ZFHX3: variants seen among roughly 807,000 people sequenced by gnomAD.
The protein encoded by ZFHX3 is zinc finger homeobox protein 3.
In ZFHX3, 42 loss-of-function variants were observed where a neutral mutation model predicts 279.1. That is an observed-to-expected ratio of 0.15 (90% CI 0.12 to 0.19). The LOEUF is 0.19. Ranked by LOEUF, ZFHX3 falls within the 10% of genes least tolerant of loss-of-function variation. The probability of loss-of-function intolerance (pLI) is 1.00; values close to 1 mark genes in which losing one functional copy is unlikely to be tolerated. For synonymous variants in ZFHX3, 2,293 were observed against 1,957.8 expected, an observed-to-expected ratio of 1.17 and a Z score of -4.52; for missense variants, 4,981 against 4,754.0, an observed-to-expected ratio of 1.05 and a Z score of -1.40.
At chr16:72,951,965 G>T (rs1234626208) in intron 2 of ZFHX3, among the ~76,000 whole-genome samples, 1 of 152,242 alleles carries the variant, frequency 6.6e-6, no homozygotes, top group Non-Finnish European at 1.5e-5. Flanking sequence ...GATCTGGGGA[G>T]TGGGGCTGGA....
chr16:73,655,908 T>C (rs922346580), intron 2 of ZFHX3, among the ~76,000 whole-genome samples: 2 of 152,236 alleles, frequency 1.3e-5, no homozygotes, highest in East Asian at 1.9e-4. Context: ...TGCGCCAAAA[T>C]ACTTATGCAA....
At chr16:73,172,979 G>T (rs1597202125) in intron 5 of ZFHX3, among the ~76,000 whole-genome samples, 1 of 79,220 alleles carries the variant, frequency 1.3e-5, no homozygotes, top group African/African-American at 4.9e-5. Flanking sequence ...GCTGTTTCCT[G>T]ATGGGACTGT....
Position 72,867,879 on chromosome 16 carries a change from T to G in ZFHX3, c.3448+21852A>C, listed in dbSNP as rs141599621. Among the ~76,000 whole-genome samples, 276 of 152,160 alleles carry G rather than the reference T, an allele frequency of 1.8e-3. 3 individuals carry two copies. Among genetic ancestry groups the G allele is most frequent in the African/African-American group, 6.5e-3 (269 of 41,520 alleles). On this transcript the variant is annotated intron_variant, in intron 4 of 9. Coordinates refer to ENST00000268489, the MANE Select transcript of ZFHX3 (RefSeq NM_006885.4). The stretch of plus-strand genomic sequence containing the variant: ...AGTTCTCACCAATCACTGAAAAGGG[T>G]GTTTGTGGAGGCCAAAAATGGTGAC...
intron 3 of ZFHX3, among the ~76,000 whole-genome samples, chr16:73,392,246 C>T (rs950495180): frequency 1.3e-5 from 2 of 151,292 alleles, no homozygotes; most frequent in East Asian, 3.9e-4. Context: ...ATGGTAAAAC[C>T]CCATCTCTAC....
intron 5 of ZFHX3, among the ~76,000 whole-genome samples, chr16:73,231,843 C>A (rs1275615082): frequency 6.6e-6 from 1 of 152,224 alleles, no homozygotes; most frequent in Non-Finnish European, 1.5e-5. Flanking sequence ...GGCTCCAAAG[C>A]CCTGCCTTGG....
At chr16:73,416,711 A>T (rs1014951333) in intron 3 of ZFHX3, among the ~76,000 whole-genome samples, 1 of 151,602 alleles carries the variant, frequency 6.6e-6, no homozygotes, top group African/African-American at 2.4e-5. Context: ...CGTCTCTACT[A>T]AAAATACAAA....
intron 2 of ZFHX3, among the ~76,000 whole-genome samples, chr16:73,605,225 G>A (rs991406578): frequency 3.3e-5 from 5 of 152,156 alleles, no homozygotes; most frequent in African/African-American, 1.2e-4. Flanking sequence ...GTCTCCTCTG[G>A]TGTCTTTATT....
chr16:72,863,444 G>T (rs1478329774), intron 4 of ZFHX3, among the ~76,000 whole-genome samples: 1 of 151,486 alleles, frequency 6.6e-6, no homozygotes, highest in Non-Finnish European at 1.5e-5. Context: ...CTTGAGCCTG[G>T]AAGATCAAGG....
chr16:72,797,958 C>G lies in ZFHX3; in HGVS notation c.4724G>C (p.Arg1575Thr), dbSNP rs779286744. The G allele has an allele frequency of 6.2e-7, 1 of 1,614,170 alleles. No homozygotes were observed. Among genetic ancestry groups the G allele is most frequent in the Non-Finnish European group, 8.5e-7 (1 of 1,180,026 alleles). ...NSVSHLHKLKRALQESATGQP... is the reference protein window; with the variant it reads ...NSVSHLHKLKTALQESATGQP... ...ACCGGTTGCTGATTCTTGAAGGGCT[C>G]TCTTTAACTTATGCAGGTGGGAGAC... The change falls in exon 9 of 10, where the codon AGA (arginine) becomes ACA (threonine). Residue 1575 changes from arginine to threonine, a missense_variant. Coordinates refer to ENST00000268489, the MANE Select transcript of ZFHX3 (RefSeq NM_006885.4).
chr16:72,886,263 G>A (rs1284969625), intron 4 of ZFHX3, among the ~76,000 whole-genome samples: 1 of 152,264 alleles, frequency 6.6e-6, no homozygotes, highest in East Asian at 1.9e-4. Context: ...GGGAGGGGAG[G>A]AGTATGGTGT....
Position 72,811,758 on chromosome 16 carries a change from C to T in ZFHX3, c.3683G>A (p.Cys1228Tyr). Residue 1228 changes from cysteine to tyrosine, a missense_variant, in exon 7 of 10, where the codon TGC (cysteine) becomes TAC (tyrosine). Physicochemically the swap from Cys to Tyr is radical, Grantham distance 194 (BLOSUM62 -2). Coordinates refer to ENST00000268489, the MANE Select transcript of ZFHX3 (RefSeq NM_006885.4). ...GTTGACATCGGCATTACTGTACTTG[C>T]AGTAGGGACACTGGTACATCTGTGG... is the stretch of plus-strand genomic sequence containing the variant. ...KPEQMYQCPY[C>Y]KYSNADVNRL... 6.2e-7 allele frequency: 1 copy of T among 1,613,828 alleles called. No homozygotes were observed. The highest frequency in any genetic ancestry group is 8.5e-7 in the Non-Finnish European group (1 of 1,179,862).
chr16:72,954,584 G>T (rs920846770), intron 2 of ZFHX3, among the ~76,000 whole-genome samples: 8 of 152,192 alleles, frequency 5.3e-5, no homozygotes, highest in African/African-American at 1.9e-4. Context: ...GAAGGGAGCT[G>T]CTAAACCTTG....
intron 4 of ZFHX3, among the ~76,000 whole-genome samples, chr16:73,283,039 C>G (rs968643524): frequency 6.6e-6 from 1 of 152,176 alleles, no homozygotes; most frequent in Admixed American, 6.5e-5. Flanking sequence ...ATAAATAAAT[C>G]TATACTAAAA....
chr16:73,727,849 G>C (rs932897812), intron 1 of ZFHX3, among the ~76,000 whole-genome samples: 12 of 152,160 alleles, frequency 7.9e-5, no homozygotes, highest in Non-Finnish European at 1.3e-4. Flanking sequence ...TGGTCAAGGA[G>C]AAACCCCATT....
intron 3 of ZFHX3, among the ~76,000 whole-genome samples, chr16:73,442,089 A>G (rs2018104543): frequency 6.6e-6 from 1 of 152,172 alleles, no homozygotes; most frequent in Non-Finnish European, 1.5e-5. Flanking sequence ...CAAGACCTGA[A>G]GAAGGGAGGG....
chr16:72,853,802 G>A (rs1312774120), intron 4 of ZFHX3, among the ~76,000 whole-genome samples: 1 of 152,048 alleles, frequency 6.6e-6, no homozygotes, highest in African/African-American at 2.4e-5. Flanking sequence ...ATGCTGAAAG[G>A]GAGAGAATGA....
chr16:73,352,650 A>T (rs2016268904), intron 3 of ZFHX3, among the ~76,000 whole-genome samples: 1 of 151,762 alleles, frequency 6.6e-6, no homozygotes, highest in Non-Finnish European at 1.5e-5. Context: ...AGGTTGATTT[A>T]AAAAAGTTTT....
At chr16:73,076,508 A>G (rs1289956853) in intron 8 of ZFHX3, among the ~76,000 whole-genome samples, 3 of 152,192 alleles carry the variant, frequency 2.0e-5, no homozygotes, top group African/African-American at 7.2e-5. Context: ...ATAGTTTAGA[A>G]TGATGTCACA....
intron 4 of ZFHX3, among the ~76,000 whole-genome samples, chr16:72,880,462 C>A (rs1306672616): frequency 2.0e-5 from 3 of 152,086 alleles, no homozygotes; most frequent in Non-Finnish European, 2.9e-5. Flanking sequence ...GGGGGACTCA[C>A]AGAGACCAGG....
Sources: gnomAD v4.1 joint callset for allele counts (sites outside exome capture counted in the v4.1 genomes callset) on GRCh38, gnomAD v4.1.1 for gene constraint, MANE v1.5 for transcripts, NCBI Gene and HGNC (gene_info 2026-07-23, HGNC 2026-07-21) for gene names.